Variants in NUBPL observed in about 807,000 individuals in gnomAD.
NUBPL encodes iron-sulfur cluster transfer protein NUBPL.
A neutral mutation model predicts 45.7 loss-of-function variants in NUBPL; 31 were observed. The observed-to-expected ratio is 0.68, with a 90% CI of 0.51 to 0.92. The LOEUF is 0.92. Ranked by LOEUF, NUBPL falls within the 40% of genes least tolerant of loss-of-function variation. NUBPL has a pLI of 0.00. For missense variants in NUBPL, 401 were observed against 398.7 expected (o/e 1.01, Z -0.05); for synonymous variants, 144 against 140.9 (o/e 1.02, Z -0.15).
chr14:31,628,392 A>C (rs1490413390), intron 4 of NUBPL, among the ~76,000 whole-genome samples: 1 of 152,288 alleles, frequency 6.6e-6, no homozygotes, highest in East Asian at 1.9e-4. Flanking sequence ...CATTATATAA[A>C]ATATATTTTA....
chr14:31,826,683 G>T lies in NUBPL; in HGVS notation c.662G>T (p.Gly221Val), dbSNP rs200832029. The change falls in exon 8 of 11, where the codon GGT becomes GTT. Residue 221 changes from glycine (G) to valine (V), a missense_variant. Gly to Val is a moderately radical substitution (Grantham distance 109). Transcript: ENST00000281081. ...QDIALMDAHK[G>V]AEMFRRVHVP... is the part of the protein sequence containing the mutation. ...ATCGCATTGATGGATGCACACAAGG[G>T]TGCTGAGATGTTTCGCAGAGTCCAC... 29 of 1,613,986 alleles carry T rather than the reference G, an allele frequency of 1.8e-5. No individual in the cohort carries two copies. Among genetic ancestry groups the T allele is most frequent in the Non-Finnish European group, 2.4e-5 (28 of 1,179,982 alleles).
chr14:31,573,828 G>A (rs2033650721), intron 3 of NUBPL, among the ~76,000 whole-genome samples: 3 of 152,158 alleles, frequency 2.0e-5, no homozygotes, highest in Admixed American at 2.0e-4. Flanking sequence ...ATTTTATAAA[G>A]TTTGTTTACT....
chr14:31,694,138 A>AG (rs2037162156), intron 6 of NUBPL, among the ~76,000 whole-genome samples: 1 of 152,096 alleles, frequency 6.6e-6, no homozygotes, highest in Non-Finnish European at 1.5e-5. Context: ...TACAGGCGTG[A>AG]GCCACCGTGC....
intron 7 of NUBPL, among the ~76,000 whole-genome samples, chr14:31,807,970 C>T (rs1358459647): frequency 6.6e-6 from 1 of 152,130 alleles, no homozygotes; most frequent in Non-Finnish European, 1.5e-5. Context: ...CTGTTCTGTT[C>T]CATTGATCTA....
chr14:31,804,135 G>A (rs1301331995), intron 7 of NUBPL, among the ~76,000 whole-genome samples: 1 of 152,094 alleles, frequency 6.6e-6, no homozygotes, highest in African/African-American at 2.4e-5. Flanking sequence ...TACAAAGGAA[G>A]GGACATAATT....
intron 6 of NUBPL, among the ~76,000 whole-genome samples, chr14:31,686,960 A>G (rs976570395): frequency 1.3e-5 from 2 of 152,234 alleles, no homozygotes; most frequent in African/African-American, 4.8e-5. Context: ...TACAAAAAAT[A>G]AAAAACAGCT....
At chr14:31,760,168 A>AGAGAGAGAGAGAGAGAGAGAGG (rs2038773763) in intron 6 of NUBPL, among the ~76,000 whole-genome samples, 1 of 140,738 alleles carries the variant, frequency 7.1e-6, no homozygotes, top group Non-Finnish European at 1.6e-5. Flanking sequence ...AGAGAGAGAG[A>AGAGAGAGAGAGAGAGAGAGAGG]GAGAGAGAGA....
chr14:31,773,114 A>G (rs1277351427), intron 6 of NUBPL, among the ~76,000 whole-genome samples: 1 of 152,160 alleles, frequency 6.6e-6, no homozygotes, highest in Admixed American at 6.6e-5. Flanking sequence ...TCTTTTTATT[A>G]TTCAGATTTT....
At chr14:31,768,614 G>T (rs1444753215) in intron 6 of NUBPL, among the ~76,000 whole-genome samples, 1 of 152,184 alleles carries the variant, frequency 6.6e-6, no homozygotes, top group East Asian at 1.9e-4. Flanking sequence ...TGGAAGCAAA[G>T]GCATTTCTCT....
chr14:31,678,600 A>C (rs1004105160), intron 6 of NUBPL, among the ~76,000 whole-genome samples: 3 of 152,080 alleles, frequency 2.0e-5, no homozygotes, highest in African/African-American at 7.2e-5. Context: ...ATGAGCCTGG[A>C]GTGGGGTCCT....
intron 6 of NUBPL, among the ~76,000 whole-genome samples, chr14:31,679,086 G>T (rs2036768640): frequency 6.6e-6 from 1 of 152,168 alleles, no homozygotes; most frequent in African/African-American, 2.4e-5. Flanking sequence ...ACAAAGTTCA[G>T]TGCAAAGTCT....
At chr14:31,741,391 G>C (rs2038281071) in intron 6 of NUBPL, among the ~76,000 whole-genome samples, 1 of 152,170 alleles carries the variant, frequency 6.6e-6, no homozygotes, top group African/African-American at 2.4e-5. Flanking sequence ...AGAATGACTA[G>C]AGGGGGCTGG....
chr14:31,633,393 G>A (rs2035397184), intron 4 of NUBPL, among the ~76,000 whole-genome samples: 1 of 152,190 alleles, frequency 6.6e-6, no homozygotes, highest in African/African-American at 2.4e-5. Flanking sequence ...TAATAACTGA[G>A]TAGAAATTAG....
chr14:31,657,436 G>A (rs1391049667), intron 4 of NUBPL, among the ~76,000 whole-genome samples: 1 of 152,118 alleles, frequency 6.6e-6, no homozygotes, highest in East Asian at 1.9e-4. Context: ...AACAAATTCG[G>A]TTTATATAAG....
intron 3 of NUBPL, among the ~76,000 whole-genome samples, chr14:31,589,666 C>T (rs1261313845): frequency 6.6e-6 from 1 of 152,106 alleles, no homozygotes; most frequent in African/African-American, 2.4e-5. Context: ...CTTCCTCCTC[C>T]TCCACAAGCA....
At chr14:31,669,947 T>G (rs2036534006) in intron 4 of NUBPL, among the ~76,000 whole-genome samples, 1 of 152,096 alleles carries the variant, frequency 6.6e-6, no homozygotes, top group East Asian at 1.9e-4. Flanking sequence ...AACATTTGTG[T>G]GCATGTGTCT....
At chr14:31,624,460 T>G (rs1420827879) in intron 4 of NUBPL, among the ~76,000 whole-genome samples, 2 of 152,206 alleles carry the variant, frequency 1.3e-5, no homozygotes, top group African/African-American at 4.8e-5. Context: ...GAGTTAGCAG[T>G]ATAGGTAATA....
At chr14:31,837,906 G>A (rs1000189285) in intron 8 of NUBPL, among the ~76,000 whole-genome samples, 23 of 152,256 alleles carry the variant, frequency 1.5e-4, no homozygotes, top group Admixed American at 1.2e-3. Context: ...CTGCACCTCC[G>A]AATCTTCCTT....
chr14:31,658,374 T>A (rs1003103854), intron 4 of NUBPL, among the ~76,000 whole-genome samples: 1 of 152,210 alleles, frequency 6.6e-6, no homozygotes, highest in African/African-American at 2.4e-5. Context: ...ATATGCAGTA[T>A]GTCATATAAA....
Sources: allele counts gnomAD v4.1 joint callset (sites outside exome capture counted in the v4.1 genomes callset), GRCh38; gene constraint gnomAD v4.1.1; transcripts MANE v1.5; gene names NCBI Gene and HGNC (gene_info 2026-07-23, HGNC 2026-07-21).